Variants in ARFIP1 observed in about 807,000 individuals in gnomAD.
The protein encoded by ARFIP1 is arfaptin-1.
Under a neutral mutation model 42.5 loss-of-function variants are expected in ARFIP1, and 24 were observed. That is an observed-to-expected ratio of 0.57 (90% CI 0.41 to 0.80). ARFIP1 has a LOEUF of 0.80. ARFIP1 is among the 30% of genes least tolerant of loss of function. The pLI is 0.00. For synonymous variants in ARFIP1, 141 were observed against 153.7 expected, an observed-to-expected ratio of 0.92 and a Z score of 0.61; for missense variants, 354 against 434.0, an observed-to-expected ratio of 0.82 and a Z score of 1.64.
intron 1 of ARFIP1, among the ~76,000 whole-genome samples, chr4:152,819,921 G>T (rs568960151): frequency 1.3e-3 from 192 of 152,224 alleles, no homozygotes; most frequent in African/African-American, 4.3e-3. Context: ...ACATTTCAGG[G>T]TGACTACATC....
chr4:152,908,891 A>G, intron 8 of ARFIP1, among the ~76,000 whole-genome samples: 1 of 132,464 alleles, frequency 7.5e-6, no homozygotes, highest in Non-Finnish European at 1.6e-5. Context: ...GCTAGAGAGA[A>G]GTGTGTGTGT....
chr4:152,833,357 A>T (rs995725118), intron 2 of ARFIP1, among the ~76,000 whole-genome samples: 2 of 152,200 alleles, frequency 1.3e-5, no homozygotes, highest in South Asian at 4.1e-4. Flanking sequence ...CATACCTATT[A>T]GGATGACTAT....
chr4:152,896,384 T>C (rs1002415904), intron 8 of ARFIP1, among the ~76,000 whole-genome samples: 1 of 152,200 alleles, frequency 6.6e-6, no homozygotes, highest in African/African-American at 2.4e-5. Flanking sequence ...TTGAATAAAC[T>C]GGTTTTTTCA....
At chr4:152,821,908 G>A (rs74957609) in intron 1 of ARFIP1, among the ~76,000 whole-genome samples, 7,065 of 152,192 alleles carry the variant, frequency 0.046, 552 homozygotes, top group African/African-American at 0.16. Context: ...CTCAAGACAA[G>A]CAAATGCCAA....
At chr4:152,888,468 T>C (rs1045745293) in intron 8 of ARFIP1, among the ~76,000 whole-genome samples, 161 bp downstream of exon 8, 9 of 152,126 alleles carry the variant, frequency 5.9e-5, no homozygotes, top group Non-Finnish European at 1.0e-4. Context: ...CAAAATATAT[T>C]TACCTTTCTT....
intron 1 of ARFIP1, among the ~76,000 whole-genome samples, chr4:152,814,639 A>G (rs777312781): frequency 8.5e-5 from 13 of 152,214 alleles, no homozygotes; most frequent in Non-Finnish European, 1.6e-4. Flanking sequence ...GCAGTGATTC[A>G]TGATCACCCT....
chr4:152,886,752 GT>G (rs543462564), intron 7 of ARFIP1, among the ~76,000 whole-genome samples: 20 of 152,038 alleles, frequency 1.3e-4, no homozygotes, highest in Middle Eastern at 3.4e-3. Flanking sequence ...AAACATATCT[GT>G]TCATCTTTAT....
At chr4:152,898,562 A>G (rs1737554589) in intron 8 of ARFIP1, among the ~76,000 whole-genome samples, 1 of 152,304 alleles carries the variant, frequency 6.6e-6, no homozygotes, top group East Asian at 1.9e-4. Flanking sequence ...TATATAAGGT[A>G]TTATCACAGA....
At chr4:152,823,646 A>G (rs1299457325) in intron 1 of ARFIP1, among the ~76,000 whole-genome samples, 3 of 151,624 alleles carry the variant, frequency 2.0e-5, no homozygotes, top group Non-Finnish European at 1.5e-5. Context: ...GGGCTGTGGC[A>G]TGTGCCTGTA....
intron 2 of ARFIP1, 109 bp from the exon 3 acceptor site, chr4:152,863,496 CA>C (rs1384937237): frequency 1.6e-6 from 1 of 625,626 alleles, no homozygotes; most frequent in Non-Finnish European, 2.8e-6. Context: ...TACCGCATAG[CA>C]GAGAGAAAAA....
At chr4:152,879,030 C>T (rs1735599742) in intron 5 of ARFIP1, among the ~76,000 whole-genome samples, 1 of 80,508 alleles carries the variant, frequency 1.2e-5, no homozygotes, top group African/African-American at 5.7e-5. Flanking sequence ...ATCACATCTT[C>T]AGTTCAAGTT....
At chr4:152,782,324 T>C (rs1319722288) in intron 1 of ARFIP1, among the ~76,000 whole-genome samples, 1 of 152,156 alleles carries the variant, frequency 6.6e-6, no homozygotes, top group African/African-American at 2.4e-5. Context: ...TTCTTCTAGT[T>C]TGATATTGAA....
At chr4:152,898,887 A>C (rs949845722) in intron 8 of ARFIP1, among the ~76,000 whole-genome samples, 1 of 152,206 alleles carries the variant, frequency 6.6e-6, no homozygotes, top group Non-Finnish European at 1.5e-5. Flanking sequence ...ATTACTACTT[A>C]CAGGCTTTTT....
In ARFIP1 at chr4:152,870,827, A is replaced by C; in HGVS notation, c.277A>C (p.Ser93Arg). The change falls in exon 4 of 9, where the codon AGT becomes CGT. Residue 93 changes from serine to arginine, a missense_variant. Coordinates refer to ENST00000353617, the MANE Select transcript of ARFIP1 (RefSeq NM_001025595.3). Reference sequence around the variant, plus strand: ...AGCTAGTCGACTGGCTCAGCAAGGAAGTGATTTAATTGTTCCTGCAGGTAT... The same window carrying C: ...AGCTAGTCGACTGGCTCAGCAAGGACGTGATTTAATTGTTCCTGCAGGTAT... ...VAASRLAQQG[S>R]DLIVPAGGQR... is the part of the protein sequence containing the mutation. 1 of 1,613,734 alleles carries C rather than the reference A, an allele frequency of 6.2e-7. No homozygotes were observed. Among genetic ancestry groups the C allele is most frequent in the South Asian group, 1.1e-5 (1 of 91,068 alleles).
intron 3 of ARFIP1, among the ~76,000 whole-genome samples, chr4:152,867,244 G>A (rs1157977152): frequency 2.0e-5 from 3 of 152,168 alleles, no homozygotes; most frequent in Non-Finnish European, 2.9e-5. Flanking sequence ...CTGCAATCCC[G>A]GCACCTCGGG....
intron 1 of ARFIP1, among the ~76,000 whole-genome samples, chr4:152,788,934 G>A (rs1730982193): frequency 6.6e-6 from 1 of 151,128 alleles, no homozygotes; most frequent in South Asian, 2.1e-4. Context: ...TAGTTTTGAA[G>A]ATTACTGCCT....
intron 1 of ARFIP1, among the ~76,000 whole-genome samples, chr4:152,826,176 T>TA (rs1730821063): frequency 6.6e-6 from 1 of 152,162 alleles, no homozygotes; most frequent in Admixed American, 6.5e-5. Context: ...CACATAGGTG[T>TA]ATTGCAGCAC....
chr4:152,842,922 A>G (rs1732212925), intron 2 of ARFIP1, among the ~76,000 whole-genome samples: 1 of 151,842 alleles, frequency 6.6e-6, no homozygotes, highest in African/African-American at 2.4e-5. Flanking sequence ...TTTCAGATAA[A>G]TCAGGGATTG....
intron 2 of ARFIP1, among the ~76,000 whole-genome samples, chr4:152,832,813 G>A (rs1002632299): frequency 6.6e-6 from 1 of 152,098 alleles, no homozygotes; most frequent in Non-Finnish European, 1.5e-5. Context: ...GATCAGCACT[G>A]TTTTTTGAAA....
Sources: allele counts gnomAD v4.1 joint callset (sites outside exome capture counted in the v4.1 genomes callset), GRCh38; gene constraint gnomAD v4.1.1; transcripts MANE v1.5; gene names NCBI Gene and HGNC (gene_info 2026-07-23, HGNC 2026-07-21).